The following POLR1C variants were observed in gnomAD, a reference collection of about 807,000 sequenced individuals.
POLR1C encodes the protein RNA polymerase I and III subunit C, also known as DNA-directed RNA polymerases I and III subunit RPAC1.
In POLR1C, 42 loss-of-function variants were observed where a neutral mutation model predicts 38.3. The ratio of observed to expected loss-of-function variants is 1.10; its 90% CI spans 0.86 to 1.42. The LOEUF is 1.42. Among genes scored for constraint, POLR1C ranks in the 40% most tolerant of loss-of-function variants. POLR1C has a pLI of 0.00. For missense variants in POLR1C, 507 were observed against 450.5 expected (o/e 1.13, Z -1.14); for synonymous variants, 163 against 163.9 (o/e 0.99, Z 0.04).
In POLR1C at chr6:43,517,880, A is replaced by G. The variant is rs1415986059; in HGVS notation, c.141+503A>G. On this transcript the variant is annotated intron_variant, in intron 2 of 8. Transcript: ENST00000642195. ...AAATAAGGGTTAAAATTGCATTTAA[A>G]TAGATTACTGAATGTTACCGTTTAG... Among the ~76,000 whole-genome samples the G allele has an allele frequency of 2.0e-5, 3 of 152,354 alleles. No homozygotes were observed. In the East Asian group the frequency reaches 5.8e-4, roughly 29 times the overall value.
At chr6:43,525,312 T>G, downstream of POLR1C, 1 of 1,038,724 alleles carries the variant, frequency 9.6e-7, no homozygotes, top group Non-Finnish European at 1.4e-6. Context: ...TTTTTTTTCC[T>G]CCCCCCCTCT....
In POLR1C at chr6:43,558,410, C is replaced by T. The variant is rs927968184; in HGVS notation, c.*49-2990C>T. 2.5e-5 allele frequency: 30 copies of T among 1,197,120 alleles called. 1 individual carries two copies. The South Asian group carries it at 3.1e-4, about 12-fold the overall frequency. 74.2% of individuals were successfully genotyped at this position (1,197,120 alleles called of 1,614,324 possible). On this transcript the variant is annotated intron_variant, in intron 10 of 10. Transcript: ENST00000607635. The stretch of plus-strand genomic sequence containing the variant: ...CTGCTATCCAGATTTGGGGATCTTT[C>T]GTAAAAACCCCAAACACCATGCACC...
In POLR1C at chr6:43,517,131, G is replaced by C; in HGVS notation, c.22G>C (p.Glu8Gln). 6.2e-7 allele frequency: 1 copy of C among 1,614,196 alleles called. No homozygotes were observed. Among genetic ancestry groups the C allele is most frequent in the Non-Finnish European group, 8.5e-7 (1 of 1,180,030 alleles). Reference protein sequence around the residue: MAASQAVEEMRSRVVLGE... With the variant: MAASQAVQEMRSRVVLGE... ...GAAGATGGCGGCTTCTCAGGCGGTG[G>C]AGGAAATGCGGAGCCGCGTGGTTCT... is the stretch of plus-strand genomic sequence containing the variant. The change falls in exon 1 of 9, where the codon GAG becomes CAG. Residue 8 changes from glutamate to glutamine, a missense_variant. Physicochemically the swap from Glu to Gln is conservative, Grantham distance 29. Transcript: ENST00000642195.
intron 9 of POLR1C, among the ~76,000 whole-genome samples, chr6:43,536,082 T>C (rs915661341): frequency 2.6e-4 from 40 of 151,498 alleles, no homozygotes; most frequent in African/African-American, 9.7e-4. Context: ...CACTCCAGCC[T>C]GGGTGACAGA....
intron 9 of POLR1C, among the ~76,000 whole-genome samples, chr6:43,545,148 C>T (rs1794901355): frequency 6.6e-6 from 1 of 151,952 alleles, no homozygotes. Flanking sequence ...GCTGGGATTA[C>T]AGGTGTGAGC....
Position 43,520,784 on chromosome 6 carries a change from T to C in POLR1C, c.805+10T>C, listed in dbSNP as rs1793124021. The C allele has an allele frequency of 6.2e-7, 1 of 1,613,340 alleles. No individual in the cohort carries two copies. The highest frequency in any genetic ancestry group is 2.2e-5 in the East Asian group (1 of 44,878). On this transcript the variant is annotated intron_variant, in intron 7 of 8. Coordinates refer to ENST00000642195, the MANE Select transcript of POLR1C (RefSeq NM_203290.4). ...GTGCAGGAAGTCCAAGGTATGGTATTTGGGATGCTGTTCAAGTTAGGACCT... is the reference window on the plus strand; with the variant it reads ...GTGCAGGAAGTCCAAGGTATGGTATCTGGGATGCTGTTCAAGTTAGGACCT...
At position 43,550,436 on chromosome 6, in the gene POLR1C, CACA is replaced by C. The variant is rs1390262671; in HGVS notation, c.*5-528_*5-526del. On this transcript the variant is annotated intron_variant, in intron 9 of 10. Coordinates refer to the POLR1C transcript ENST00000607635. ...TTCTGAAGTCCTACTGGTCTTGTGACACAACATTTTCTTCATTTCTCTGGCTCT... is the reference window on the plus strand; with the variant it reads ...TTCTGAAGTCCTACTGGTCTTGTGACACATTTTCTTCATTTCTCTGGCTCT... Among the ~76,000 whole-genome samples the C allele has an allele frequency of 2.0e-5, 3 of 152,180 alleles. No individual in the cohort carries two copies. The East Asian group carries it at 5.8e-4, about 29-fold the overall frequency.
At chr6:43,536,516 T>C (rs1794333721) in intron 9 of POLR1C, among the ~76,000 whole-genome samples, 1 of 151,462 alleles carries the variant, frequency 6.6e-6, no homozygotes, top group Non-Finnish European at 1.5e-5. Flanking sequence ...CCCAGCACTT[T>C]AGGAAGCCGA....
At chr6:43,545,949 T>C (rs1335558010) in intron 9 of POLR1C, among the ~76,000 whole-genome samples, 1 of 152,166 alleles carries the variant, frequency 6.6e-6, no homozygotes, top group East Asian at 1.9e-4. Context: ...ACTGGGCATC[T>C]AGTTAAAATG....
chr6:43,520,164 G>A lies in POLR1C; in HGVS notation c.481G>A (p.Glu161Lys), dbSNP rs769410222. 2.5e-6 allele frequency: 4 copies of A among 1,614,058 alleles called. No homozygotes were observed. Among genetic ancestry groups the A allele is most frequent in the African/African-American group, 1.3e-5 (1 of 74,902 alleles). ...HAAKDSSDPN[E>K]LYVNHKVYTR... is the part of the protein sequence containing the mutation. ...TGCTAAAGATTCCTCTGACCCCAAC[G>A]AACTGTACGTGAACCACAAAGGTGA... is the stretch of plus-strand genomic sequence containing the variant. The change falls in exon 5 of 9, where the codon GAA (glutamate) becomes AAA (lysine). Residue 161 changes from glutamate (E) to lysine (K), a missense_variant. Physicochemically the swap from Glu to Lys is moderately conservative, Grantham distance 56. Transcript: ENST00000642195.
downstream of POLR1C, chr6:43,525,110 T>C: frequency 6.4e-7 from 1 of 1,573,444 alleles, no homozygotes; most frequent in Non-Finnish European, 8.6e-7. Context: ...ACCATACTTG[T>C]TTGAGGAGAG....
chr6:43,520,246 T>C, intron 5 of POLR1C, 29 bp from the exon 6 acceptor site: 2 of 1,613,654 alleles, frequency 1.2e-6, no homozygotes, highest in Admixed American at 3.3e-5. Context: ...TTTTAGGGAC[T>C]GAGATCTTCT....
Position 43,521,508 on chromosome 6 carries a change from A to T in POLR1C, c.*208A>T. The T allele has an allele frequency of 7.5e-7, 1 of 1,333,104 alleles. No individual in the cohort carries two copies. Among genetic ancestry groups the T allele is most frequent in the Non-Finnish European group, 9.7e-7 (1 of 1,036,238 alleles). The allele number at this position is 1,333,104 out of a possible 1,614,324, so 82.6% of individuals were successfully genotyped here. A position where few individuals can be genotyped will look rare whatever the true frequency, so the allele number is the denominator to read the frequency against. On this transcript the variant is annotated 3_prime_UTR_variant, in exon 9 of 9. Transcript: ENST00000642195. Reference sequence around the variant, plus strand: ...AGATGTAAATAAACTCACCCAAACAAAAAAACTTTTTGAGACTACTTTTGA... The same window carrying T: ...AGATGTAAATAAACTCACCCAAACATAAAAACTTTTTGAGACTACTTTTGA...
At chr6:43,544,668 G>A (rs1484625566) in intron 9 of POLR1C, among the ~76,000 whole-genome samples, 1 of 152,114 alleles carries the variant, frequency 6.6e-6, no homozygotes, top group Admixed American at 6.5e-5. Flanking sequence ...GTTCACACTT[G>A]TAATGCTAGC....
Position 43,518,871 on chromosome 6 carries a change from G to A in POLR1C, c.142-462G>A, listed in dbSNP as rs574087188. ...AATTTTTTGTATTTTTGGTAGAGAC[G>A]GGGTTTCACCATGCTGGCCAGGCTG... On this transcript the variant is annotated intron_variant, in intron 2 of 8. Transcript: ENST00000642195. Among the ~76,000 whole-genome samples the A allele has an allele frequency of 4.5e-4, 69 of 152,156 alleles. 1 individual carries two copies. The South Asian group carries it at 0.014, about 30-fold the overall frequency.
At chr6:43,529,069 A>T in intron 8 of POLR1C, 2 of 1,107,886 alleles carry the variant, frequency 1.8e-6, no homozygotes. Flanking sequence ...AAAAAATCTT[A>T]AAGTTCTTTT....
In POLR1C at chr6:43,519,719, C is replaced by T. The variant is rs1793037452; in HGVS notation, c.263C>T (p.Ala88Val). 1 of 1,614,158 alleles carries T rather than the reference C, an allele frequency of 6.2e-7. No individual in the cohort carries two copies. The highest frequency in any genetic ancestry group is 8.5e-7 in the Non-Finnish European group (1 of 1,180,034). ...TTCCTTGGGCAGGTGCCAACTATGGCTGTGGAGAAGGTCCTGGTGTACAAT... is the reference window on the plus strand; with the variant it reads ...TTCCTTGGGCAGGTGCCAACTATGGTTGTGGAGAAGGTCCTGGTGTACAAT... ...RILLAEVPTM[A>V]VEKVLVYNNT... The change falls in exon 4 of 9, where the codon GCT (alanine) becomes GTT (valine). Residue 88 changes from alanine (A) to valine (V), a missense_variant. Transcript: ENST00000642195.
rs117143985 is a variant in POLR1C, at chr6:43,538,429, C to T, written c.*4+9070C>T. Among the ~76,000 whole-genome samples the T allele has an allele frequency of 5.1e-4, 78 of 152,044 alleles. No homozygotes were observed. In the East Asian group the frequency reaches 7.9e-3, roughly 15 times the overall value. ...CCTCCCAAACTGCTGAGATCACAAG[C>T]GTGAGGCACCACGCTAAGCCTAATT... On this transcript the variant is annotated intron_variant, in intron 9 of 10. Transcript: ENST00000607635.
intron 10 of POLR1C, among the ~76,000 whole-genome samples, chr6:43,552,879 T>G (rs988515821): frequency 2.6e-5 from 4 of 152,228 alleles, no homozygotes; most frequent in Admixed American, 2.6e-4. Flanking sequence ...CTAAATGTGG[T>G]AGTGCTTAGA....
Sources: allele counts gnomAD v4.1 joint callset (sites outside exome capture counted in the v4.1 genomes callset), GRCh38; gene constraint gnomAD v4.1.1; transcripts MANE v1.5; gene names NCBI Gene and HGNC (gene_info 2026-07-23, HGNC 2026-07-21).